The following SIN3B variants were observed in gnomAD, a reference collection of about 807,000 sequenced individuals.
SIN3B encodes paired amphipathic helix protein Sin3b.
In SIN3B, 19 loss-of-function variants were observed where a neutral mutation model predicts 120.2. The ratio of observed to expected loss-of-function variants is 0.16; its 90% CI spans 0.11 to 0.23. The LOEUF is 0.23. SIN3B is among the 10% of genes least tolerant of loss of function. SIN3B has a pLI of 1.00. For missense variants in SIN3B, 1,073 were observed against 1,573.0 expected, an observed-to-expected ratio of 0.68 and a Z score of 5.38; for synonymous variants, 654 against 653.2, an observed-to-expected ratio of 1.00 and a Z score of -0.02.
Position 16,862,475 on chromosome 19 carries a change from C to T in SIN3B, c.1182C>T (p.Cys394=), listed in dbSNP as rs1467301421. The change falls in exon 9 of 19, where the codon TGC becomes TGT. Residue 394 remains cysteine (C), a synonymous_variant. Coordinates refer to ENST00000248054, the MANE Select transcript of SIN3B (RefSeq NM_001297595.2). This position sits in a 1 kb window ranked among gnomAD's most constrained non-coding sequence, Gnocchi z 4.7. Reference sequence around the variant, plus strand: ...GCCGGGAAATTGATTATGCATCCTGCAAGCGCATAGGATCCAGCTACCGGG... The same window carrying T: ...GCCGGGAAATTGATTATGCATCCTGTAAGCGCATAGGATCCAGCTACCGGG... ...GISREIDYAS[C]KRIGSSYRAL... is the part of the protein sequence containing the mutation. 2 of 1,614,194 alleles carry T rather than the reference C, an allele frequency of 1.2e-6. No homozygotes were observed. The highest frequency in any genetic ancestry group is 1.1e-5 in the South Asian group (1 of 91,086).
At chr19:16,831,039 G>A (rs576352026) in intron 2 of SIN3B, among the ~76,000 whole-genome samples, 2 of 151,714 alleles carry the variant, frequency 1.3e-5, no homozygotes, top group South Asian at 2.1e-4. Context: ...AGGTCATGGT[G>A]TACAGATGCT....
Position 16,876,204 on chromosome 19 carries a change from C to T in SIN3B, c.2742C>T (p.Cys914=). 1 of 1,612,166 alleles carries T rather than the reference C, an allele frequency of 6.2e-7. No homozygotes were observed. Among genetic ancestry groups the T allele is most frequent in the Middle Eastern group, 1.7e-4 (1 of 6,054 alleles). The change falls in exon 15 of 19, where the codon TGC becomes TGT. Residue 914 remains cysteine, a synonymous_variant. Transcript: ENST00000248054. The surrounding 1 kb of genome is among the most constrained non-coding windows in gnomAD (Gnocchi z 7.1). ...ETSYQWKAER[C]MADENCFKVM... is the part of the protein sequence containing the mutation. ...GCTACCAGTGGAAGGCTGAGCGCTG[C>T]ATGGCCGACGAGAACTGCTTCAAGG...
intron 5 of SIN3B, among the ~76,000 whole-genome samples, chr19:16,850,978 CACCAGT>C (rs915571080): frequency 1.3e-5 from 2 of 152,210 alleles, no homozygotes; most frequent in African/African-American, 4.8e-5. Flanking sequence ...CCAAGGCCCC[CACCAGT>C]GCCCTGGCAA....
At chr19:16,852,932 C>T (rs905018076) in intron 6 of SIN3B, 137 bp from the exon 7 acceptor site, 4 of 627,706 alleles carry the variant, frequency 6.4e-6, no homozygotes, top group African/African-American at 1.9e-5. Flanking sequence ...GCGGCTCCTG[C>T]CTGTCCCTCA....
At chr19:16,840,879 G>C (rs1449779337) in intron 3 of SIN3B, among the ~76,000 whole-genome samples, 1 of 152,156 alleles carries the variant, frequency 6.6e-6, no homozygotes, top group East Asian at 1.9e-4. Flanking sequence ...AGGTGGTGAC[G>C]GGCCGCGGAG....
rs1190054544 is a variant in SIN3B at position 16,862,845 on chromosome 19, C to G, written c.1266+286C>G. On this transcript the variant is annotated intron_variant, in intron 9 of 18. Transcript: ENST00000248054. The surrounding 1 kb of genome is among the most constrained non-coding windows in gnomAD (Gnocchi z 4.7). ...GGTTTATTGCTGCCATGATTCTGCT[C>G]TGTCCCGGGCTCACTGACCTCAGTG... is the stretch of plus-strand genomic sequence containing the variant. 2.0e-6 allele frequency: 3 copies of G among 1,475,978 alleles called. No individual in the cohort carries two copies. Among genetic ancestry groups the G allele is most frequent in the Non-Finnish European group, 2.8e-6 (3 of 1,054,956 alleles). 91.4% of individuals were successfully genotyped at this position (1,475,978 alleles called of 1,614,324 possible).
chr19:16,836,365 T>G (rs1971349119), intron 3 of SIN3B, among the ~76,000 whole-genome samples: 2 of 152,056 alleles, frequency 1.3e-5, no homozygotes, highest in Non-Finnish European at 1.5e-5. Context: ...AAGGAACAGC[T>G]TCTTACTGGA....
rs1321541295 is a variant in SIN3B at position 16,876,907 on chromosome 19, T to A, written c.2859+329T>A. 4 of 285,712 alleles carry A rather than the reference T, an allele frequency of 1.4e-5. No homozygotes were observed. The highest frequency in any genetic ancestry group is 2.7e-5 in the Non-Finnish European group (4 of 150,860). The allele number at this position is 285,712 out of a possible 1,614,324, so 17.7% of individuals were successfully genotyped here. On this transcript the variant is annotated intron_variant, in intron 16 of 18. Coordinates refer to ENST00000248054, the MANE Select transcript of SIN3B (RefSeq NM_001297595.2). The surrounding 1 kb of genome is among the most constrained non-coding windows in gnomAD (Gnocchi z 7.1). Reference sequence around the variant, plus strand: ...GGCTGTGACCTCTGCACCTCTTGTGTCAGGGCTGCATCCTGTTCCTAATCC... The same window carrying A: ...GGCTGTGACCTCTGCACCTCTTGTGACAGGGCTGCATCCTGTTCCTAATCC...
chr19:16,831,044 G>A (rs998904337), intron 2 of SIN3B, among the ~76,000 whole-genome samples: 89 of 151,860 alleles, frequency 5.9e-4, no homozygotes, highest in African/African-American at 2.1e-3. Flanking sequence ...ATGGTGTACA[G>A]ATGCTATCAC....
At chr19:16,843,047 A>G (rs1971437882) in intron 4 of SIN3B, among the ~76,000 whole-genome samples, 1 of 152,156 alleles carries the variant, frequency 6.6e-6, no homozygotes, top group African/African-American at 2.4e-5. Context: ...CGTCCTCTTC[A>G]CCCAGACGTG....
intron 8 of SIN3B, among the ~76,000 whole-genome samples, chr19:16,856,247 G>T (rs1971613287): frequency 1.3e-5 from 2 of 152,256 alleles, no homozygotes; most frequent in Admixed American, 6.5e-5. Context: ...AGTGTGCGCG[G>T]TAGGAGTAGG....
In SIN3B at chr19:16,851,503, C is replaced by T. The variant is rs1370973429; in HGVS notation, c.818C>T (p.Ser273Leu). 12 of 1,608,212 alleles carry T rather than the reference C, an allele frequency of 7.5e-6. No homozygotes were observed. The Admixed American group carries it at 1.3e-4, about 18-fold the overall frequency. Reference sequence around the variant, plus strand: ...CACAGCAGGAAGCGCTCCCGGCCCTCGCTCCTCCGCCCCGTGTCTGCACCC... The same window carrying T: ...CACAGCAGGAAGCGCTCCCGGCCCTTGCTCCTCCGCCCCGTGTCTGCACCC... The part of the protein sequence containing the change: ...PEHSRKRSRP[S>L]LLRPVSAPAK... The change falls in exon 6 of 19, where the codon TCG (serine) becomes TTG (leucine). Residue 273 changes from serine (S) to leucine (L), a missense_variant. By Grantham distance (145) the Ser-to-Leu change is moderately radical. Transcript: ENST00000248054.
In SIN3B at chr19:16,866,421, C is replaced by T; in HGVS notation, c.1671C>T (p.Asn557=). 7 of 1,613,222 alleles carry T rather than the reference C, an allele frequency of 4.3e-6. No homozygotes were observed. The highest frequency in any genetic ancestry group is 5.9e-6 in the Non-Finnish European group (7 of 1,179,856). ...EEWREAQQGF[N]KIWREQYEKA... ...GGCGGGAGGCCCAGCAGGGCTTCAA[C>T]AAGATCTGGCGGGAGCAGTATGAGA... The change falls in exon 12 of 19, where the codon AAC becomes AAT. Residue 557 remains asparagine, a synonymous_variant. Coordinates refer to ENST00000248054, the MANE Select transcript of SIN3B (RefSeq NM_001297595.2).
intron 8 of SIN3B, among the ~76,000 whole-genome samples, chr19:16,858,982 G>A (rs1971652309): frequency 6.6e-6 from 1 of 152,010 alleles, no homozygotes; most frequent in East Asian, 1.9e-4. Flanking sequence ...ACCAGCCTGG[G>A]CAACATAGTG....
chr19:16,866,596 G>A (rs764117940), intron 12 of SIN3B, 40 bp downstream of exon 12: 10 of 1,597,550 alleles, frequency 6.3e-6, no homozygotes, highest in Non-Finnish European at 8.6e-6. Flanking sequence ...TGGGGGTGGG[G>A]TCCTGGCTCT....
At chr19:16,830,310 C>A (rs918394329) in intron 2 of SIN3B, among the ~76,000 whole-genome samples, 2 of 152,156 alleles carry the variant, frequency 1.3e-5, no homozygotes, top group Admixed American at 1.3e-4. Context: ...CCCCTTTAAT[C>A]TTGTCCTCAA....
chr19:16,877,161 C>T, intron 16 of SIN3B: 1 of 254,934 alleles, frequency 3.9e-6, no homozygotes, highest in South Asian at 5.8e-5. Context: ...CCACAATGAC[C>T]ACAAACCACG....
chr19:16,836,933 C>T (rs182952791), intron 3 of SIN3B, among the ~76,000 whole-genome samples: 3 of 152,242 alleles, frequency 2.0e-5, no homozygotes, highest in African/African-American at 7.2e-5. Flanking sequence ...ACCCCTTCTC[C>T]GAGCCAGGCC....
chr19:16,873,245 G>A (rs113276982), intron 14 of SIN3B, among the ~76,000 whole-genome samples: 3,172 of 152,208 alleles, frequency 0.021, 57 homozygotes, highest in African/African-American at 0.048. Flanking sequence ...GCCTGTTTCC[G>A]TTGCGTCTGC....
Sources: gnomAD v4.1 joint callset for allele counts (sites outside exome capture counted in the v4.1 genomes callset) on GRCh38, gnomAD v4.1.1 for gene constraint, Gnocchi (gnomAD v3.1) non-coding constraint, MANE v1.5 for transcripts, NCBI Gene and HGNC (gene_info 2026-07-23, HGNC 2026-07-21) for gene names.